Variants in C6 observed in about 807,000 individuals in gnomAD.
C6 encodes complement C6, also known as complement component C6.
C6 carries 101 observed loss-of-function variants against 112.9 expected under a neutral mutation model. The ratio of observed to expected loss-of-function variants is 0.89; its 90% CI spans 0.76 to 1.06. C6 has a LOEUF of 1.06. Among genes scored for constraint, C6 ranks in the 50% least tolerant of loss-of-function variants. The pLI is 0.00. For synonymous variants in C6, 431 were observed against 384.1 expected, an observed-to-expected ratio of 1.12 and a Z score of -1.43; for missense variants, 1,202 against 1,104.6, an observed-to-expected ratio of 1.09 and a Z score of -1.25.
At chr5:41,188,417 G>C (rs1048809593) in intron 5 of C6, among the ~76,000 whole-genome samples, 1 of 152,048 alleles carries the variant, frequency 6.6e-6, no homozygotes, top group Non-Finnish European at 1.5e-5. Flanking sequence ...CTGGCATGAG[G>C]ATAGACAGAC....
intron 5 of C6, among the ~76,000 whole-genome samples, chr5:41,193,795 A>ATTT (rs11460725): frequency 0.016 from 2,151 of 137,378 alleles, 34 homozygotes; most frequent in African/African-American, 0.032. Context: ...TCAGGAAGCT[A>ATTT]TTTTTTTTTT....
Position 41,142,847 on chromosome 5 carries a change from T to G in C6, c.2783A>C (p.His928Pro), listed in dbSNP as rs755839036. ...GTGCTAGGCCAAACACTTTCCAGGATGCAGTATTTCCATCTTCCTGTTTGC... is the reference window on the plus strand; with the variant it reads ...GTGCTAGGCCAAACACTTTCCAGGAGGCAGTATTTCCATCTTCCTGTTTGC... ...RCANRKMEIL[H>P]PGKCLA The change falls in exon 18 of 18, where the codon CAT becomes CCT. Residue 928 changes from histidine (H) to proline (P), a missense_variant. His to Pro is a moderately conservative substitution (Grantham distance 77). Transcript: ENST00000337836. 1 of 1,613,356 alleles carries G rather than the reference T, an allele frequency of 6.2e-7. No individual in the cohort carries two copies. The highest frequency in any genetic ancestry group is 1.1e-5 in the South Asian group (1 of 91,070).
At chr5:41,161,335 G>C (rs538029952) in intron 10 of C6, among the ~76,000 whole-genome samples, 1 of 152,084 alleles carries the variant, frequency 6.6e-6, no homozygotes, top group Middle Eastern at 3.2e-3. Context: ...AGACTTAGGA[G>C]TGTTCATCAA....
intron 13 of C6, among the ~76,000 whole-genome samples, chr5:41,157,066 C>G (rs983620451): frequency 3.3e-5 from 5 of 152,078 alleles, no homozygotes; most frequent in Non-Finnish European, 7.4e-5. Context: ...TGAATCTATA[C>G]AAGGGGCATT....
At chr5:41,245,274 A>G (rs1032513741) in intron 1 of C6, among the ~76,000 whole-genome samples, 1 of 152,190 alleles carries the variant, frequency 6.6e-6, no homozygotes, top group African/African-American at 2.4e-5. Context: ...TCACGCCTGT[A>G]ATCCCAGCAC....
chr5:41,195,805 A>C lies in C6; in HGVS notation c.574T>G (p.Leu192Val), dbSNP rs1287144111. The change falls in exon 5 of 18, where the codon TTG (leucine) becomes GTG (valine). Residue 192 changes from leucine to valine, a missense_variant. Leu to Val is a conservative substitution (Grantham distance 32, BLOSUM62 1). Coordinates refer to ENST00000337836, the MANE Select transcript of C6 (RefSeq NM_000065.5). Reference protein sequence around the residue: ...RKYNPIPSVQLMGNGFHFLAG... With the variant: ...RKYNPIPSVQVMGNGFHFLAG... ...GATGTTACATACCCATTGCCCATCA[A>C]CTGTACACTAGGGATGGGATTATAC... is the stretch of plus-strand genomic sequence containing the variant. The C allele has an allele frequency of 2.5e-6, 4 of 1,613,736 alleles. No homozygotes were observed. The African/African-American group carries it at 5.3e-5, about 22-fold the overall frequency.
rs770158255 is a variant in C6, at chr5:41,155,063, A to C, written c.2010T>G (p.Ile670Met). 4.3e-5 allele frequency: 69 copies of C among 1,613,592 alleles called. No individual in the cohort carries two copies. The South Asian group carries it at 7.4e-4, about 17-fold the overall frequency. ...CAGTTTCAAAGCCAGTAAGGCATGA[A>C]ATTTCAACATCTTCTCCAACCAAGT... Reference protein sequence around the residue: ...QLYLVGEDVEISCLTGFETVG... With the variant: ...QLYLVGEDVEMSCLTGFETVG... The change falls in exon 14 of 18, where the codon ATT (isoleucine) becomes ATG (methionine). Residue 670 changes from isoleucine (I) to methionine (M), a missense_variant. Physicochemically the swap from Ile to Met is conservative, Grantham distance 10. Transcript: ENST00000337836.
intron 1 of C6, among the ~76,000 whole-genome samples, chr5:41,254,329 C>A (rs1015290371): frequency 1.3e-5 from 2 of 152,044 alleles, no homozygotes; most frequent in Non-Finnish European, 2.9e-5. Flanking sequence ...TGGCGTGAAC[C>A]CAGGAGGTGG....
intron 1 of C6, among the ~76,000 whole-genome samples, chr5:41,210,066 G>A (rs528741582): frequency 2.4e-4 from 36 of 152,144 alleles, no homozygotes; most frequent in African/African-American, 7.2e-4. Flanking sequence ...AATACCACAC[G>A]TCTACAGCCA....
rs1751196676 is a variant in C6 at position 41,203,515 on chromosome 5, TATGTAGC to T, written c.-20-272_-20-266del. The stretch of plus-strand genomic sequence containing the variant: ...GTTAGTGATAGGCTACAAGACAAAG[TATGTAGC>T]ATGTATTTGTAATCCATTTCATTCC... On this transcript the variant is annotated intron_variant, in intron 1 of 17. Coordinates refer to ENST00000337836, the MANE Select transcript of C6 (RefSeq NM_000065.5). 3.8e-5 allele frequency: 16 copies of T among 421,136 alleles called. 2 individuals carry two copies. Among genetic ancestry groups the T allele is most frequent in the South Asian group, 3.2e-4 (15 of 46,310 alleles). The allele number at this position is 421,136 out of a possible 1,614,324, so 26.1% of individuals were successfully genotyped here.
chr5:41,222,826 C>A (rs1422588353), intron 1 of C6, among the ~76,000 whole-genome samples: 1 of 152,048 alleles, frequency 6.6e-6, no homozygotes, highest in East Asian at 1.9e-4. Context: ...TTTCTTTTCT[C>A]TTGTATTGAA....
upstream of C6, among the ~76,000 whole-genome samples, chr5:41,215,325 A>C (rs1442748757): frequency 6.6e-6 from 1 of 152,136 alleles, no homozygotes; most frequent in Non-Finnish European, 1.5e-5. Context: ...GGTCTGATAC[A>C]TACAACAAAG....
At chr5:41,244,274 A>G (rs1740896734) in intron 1 of C6, among the ~76,000 whole-genome samples, 1 of 152,252 alleles carries the variant, frequency 6.6e-6, no homozygotes, top group South Asian at 2.1e-4. Context: ...CAATAACAGC[A>G]GCAAAAGCTA....
Position 41,236,195 on chromosome 5 carries a change from G to A in C6, c.-21+24999C>T, listed in dbSNP as rs1421799320. The stretch of plus-strand genomic sequence containing the variant: ...GGTAATGCCTAGGTTTTCTTCTAGG[G>A]TTTTTATGGTTTTAGGTCTAACGTT... On this transcript the variant is annotated intron_variant, in intron 1 of 17. Coordinates refer to the C6 transcript ENST00000263413. Among the ~76,000 whole-genome samples, 109 of 106,720 alleles carry A rather than the reference G, an allele frequency of 1.0e-3. 1 individual carries two copies. The highest frequency in any genetic ancestry group is 2.1e-3 in the Admixed American group (19 of 9,066). 70.0% of individuals were successfully genotyped at this position (106,720 alleles called of 152,430 possible). A position where few individuals can be genotyped will look rare whatever the true frequency, so the allele number is the denominator to read the frequency against.
chr5:41,142,969 C>T lies in C6; in HGVS notation c.2661G>A (p.Gln887=), dbSNP rs760135915. ...TSKCVCLLPP[Q]CFKGGNQLYC... ...AGAGTTGGTTTCCACCCTTGAAGCA[C>T]TGTGGGGGCAATAGGCAGACACATT... Residue 887 remains glutamine, a synonymous_variant, in exon 18 of 18, where the codon CAG becomes CAA. Coordinates refer to ENST00000337836, the MANE Select transcript of C6 (RefSeq NM_000065.5). 1.2e-6 allele frequency: 2 copies of T among 1,613,406 alleles called. No homozygotes were observed. The highest frequency in any genetic ancestry group is 2.2e-5 in the East Asian group (1 of 44,864).
chr5:41,146,274 TG>T (rs3840357), intron 17 of C6, among the ~76,000 whole-genome samples: 48,597 of 152,068 alleles, frequency 0.32, 8,085 homozygotes, highest in Non-Finnish European at 0.38. Context: ...TTGTAACTTT[TG>T]AAAGGTGACC....
At chr5:41,250,455 C>T (rs934190080) in intron 1 of C6, among the ~76,000 whole-genome samples, 2 of 152,058 alleles carry the variant, frequency 1.3e-5, no homozygotes, top group Non-Finnish European at 2.9e-5. Context: ...ATTTTAGACC[C>T]TGGGATGAAA....
At chr5:41,258,357 T>C (rs563625598) in intron 1 of C6, among the ~76,000 whole-genome samples, 6 of 152,142 alleles carry the variant, frequency 3.9e-5, no homozygotes, top group Non-Finnish European at 7.4e-5. Context: ...TATTTTTGGC[T>C]GAAGTATCTA....
intron 1 of C6, among the ~76,000 whole-genome samples, chr5:41,225,419 A>G (rs987411432): frequency 1.3e-5 from 2 of 152,222 alleles, no homozygotes; most frequent in African/African-American, 4.8e-5. Flanking sequence ...ACGGCTGCAT[A>G]GTATTCCATG....
Sources: gnomAD v4.1 joint callset for allele counts (sites outside exome capture counted in the v4.1 genomes callset) on GRCh38, gnomAD v4.1.1 for gene constraint, MANE v1.5 for transcripts, NCBI Gene and HGNC (gene_info 2026-07-23, HGNC 2026-07-21) for gene names.